The following DDX10 variants were observed in gnomAD, a reference collection of about 807,000 sequenced individuals.
The protein encoded by DDX10 is probable ATP-dependent RNA helicase DDX10.
Under a neutral mutation model 104.3 loss-of-function variants are expected in DDX10, and 74 were observed. That is an observed-to-expected ratio of 0.71 (90% confidence interval 0.59 to 0.86). The LOEUF (loss-of-function observed/expected upper bound fraction) is 0.86, where lower values mean the gene tolerates loss of function less well. Among genes scored for constraint, DDX10 ranks in the 40% least tolerant of loss-of-function variants. The pLI, the probability that DDX10 is intolerant of heterozygous loss-of-function variation, is 0.00. For synonymous variants in DDX10, 351 were observed against 353.4 expected, an observed-to-expected ratio of 0.99 and a Z score of 0.08; for missense variants, 952 against 1,040.0, an observed-to-expected ratio of 0.92 and a Z score of 1.16.
At position 108,723,258 on chromosome 11, in the gene DDX10, C is replaced by T. The variant is rs377544868; in HGVS notation, c.1761C>T (p.Asp587=). The T allele has an allele frequency of 2.4e-4, 383 of 1,612,976 alleles. 2 individuals are homozygous for T. The South Asian group carries it at 3.8e-3, about 16-fold the overall frequency. ...TGNEEQEEEE[D]DEEEMEEKLA... is the part of the protein sequence containing the mutation. Reference sequence around the variant, plus strand: ...ATGAAGAACAGGAAGAAGAAGAAGACGATGAAGAAGAAATGGAAGAGAAAC... The same window carrying T: ...ATGAAGAACAGGAAGAAGAAGAAGATGATGAAGAAGAAATGGAAGAGAAAC... The change falls in exon 13 of 18, where the codon GAC becomes GAT. Residue 587 remains aspartate (D), a synonymous_variant. Transcript: ENST00000322536.
Position 108,668,155 on chromosome 11 carries a change from G to A in DDX10, c.186+2816G>A, listed in dbSNP as rs537336138. On this transcript the variant is annotated intron_variant, in intron 1 of 17. Coordinates refer to ENST00000322536, the MANE Select transcript of DDX10 (RefSeq NM_004398.4). The stretch of plus-strand genomic sequence containing the variant: ...CATTTATCAAACTTTTATTCATGCT[G>A]GCTTTCCGTATACTCACCACAAATA... Among the ~76,000 whole-genome samples the A allele has an allele frequency of 1.7e-4, 26 of 152,264 alleles. No homozygotes were observed. In the South Asian group the frequency reaches 4.8e-3, roughly 28 times the overall value.
intron 13 of DDX10, among the ~76,000 whole-genome samples, chr11:108,746,863 A>C (rs561733140): frequency 6.6e-6 from 1 of 152,302 alleles, no homozygotes; most frequent in South Asian, 2.1e-4. Context: ...TCAGCCTTAA[A>C]GATAACAATA....
intron 7 of DDX10, 43 bp from the exon 8 acceptor site, chr11:108,691,833 G>A (rs765260083): frequency 2.6e-5 from 41 of 1,571,104 alleles, no homozygotes; most frequent in Middle Eastern, 1.7e-4. Context: ...CTTTATTGCT[G>A]CCATCTGCCA....
chr11:108,859,657 T>C (rs1385500366), intron 16 of DDX10, among the ~76,000 whole-genome samples: 1 of 152,186 alleles, frequency 6.6e-6, no homozygotes, highest in Non-Finnish European at 1.5e-5. Context: ...AATTTGACAT[T>C]TATATGCTTG....
intron 13 of DDX10, among the ~76,000 whole-genome samples, chr11:108,800,001 CT>C (rs1344068433): frequency 2.0e-5 from 3 of 151,768 alleles, no homozygotes; most frequent in Admixed American, 6.6e-5. Flanking sequence ...TCACTGCAGC[CT>C]CCAAAGCTCA....
intron 13 of DDX10, among the ~76,000 whole-genome samples, chr11:108,811,002 G>T (rs1862172488): frequency 6.6e-6 from 1 of 152,036 alleles, no homozygotes. Context: ...TCTATCTCCA[G>T]TGGAATATAA....
At position 108,917,907 on chromosome 11, in the gene DDX10, G is replaced by GTGATGATGA. The variant is rs373041499; in HGVS notation, c.2357_2365dup (p.Asp786_Asp788dup). On this transcript the variant is annotated inframe_insertion, in exon 17 of 18. Transcript: ENST00000322536. ...GAAGAGGAAGCCTTTCTGGATTGGA[G>GTGATGATGA]TGATGATGATGATGATGATGATGAT... The GTGATGATGA allele has an allele frequency of 1.0e-4, 166 of 1,610,946 alleles. No individual in the cohort carries two copies. In the South Asian group the frequency reaches 1.2e-3, roughly 11 times the overall value.
chr11:108,722,981 T>C lies in DDX10; in HGVS notation c.1500-16T>C. ...CAGTGTTGAGATGACTGTTTTCACG[T>C]TTTTCCATATTTAAGGTCTCTTGGT... On this transcript the variant is annotated splice_polypyrimidine_tract_variant and intron_variant, in intron 12 of 17. Coordinates refer to ENST00000322536, the MANE Select transcript of DDX10 (RefSeq NM_004398.4). The C allele has an allele frequency of 6.3e-7, 1 of 1,580,102 alleles. No homozygotes were observed. Among genetic ancestry groups the C allele is most frequent in the Non-Finnish European group, 8.6e-7 (1 of 1,167,624 alleles).
chr11:108,835,989 T>C (rs1862550463), intron 13 of DDX10, among the ~76,000 whole-genome samples: 1 of 152,184 alleles, frequency 6.6e-6, no homozygotes, highest in South Asian at 2.1e-4. Context: ...GGTGTTTTCC[T>C]TTTGATCCAG....
In DDX10 at chr11:108,758,029, C is replaced by T. The variant is rs1309434121; in HGVS notation, c.1965+34567C>T. Among the ~76,000 whole-genome samples the T allele has an allele frequency of 5.3e-5, 8 of 151,924 alleles. No individual in the cohort carries two copies. The East Asian group carries it at 5.8e-4, about 11-fold the overall frequency. On this transcript the variant is annotated intron_variant, in intron 13 of 17. Transcript: ENST00000322536. ...TACTGCTACAGCAACCTCAGTTGGGCGCTTCTTCTTTTACGCCATAGTGGC... is the reference window on the plus strand; with the variant it reads ...TACTGCTACAGCAACCTCAGTTGGGTGCTTCTTCTTTTACGCCATAGTGGC...
At chr11:108,674,802 C>T (rs902374174) in intron 2 of DDX10, among the ~76,000 whole-genome samples, 1 of 152,216 alleles carries the variant, frequency 6.6e-6, no homozygotes, top group African/African-American at 2.4e-5. Flanking sequence ...GCGTGAGCCA[C>T]CACGCCTGGC....
chr11:108,918,413 A>G (rs1278331174), intron 17 of DDX10: 1 of 202,440 alleles, frequency 4.9e-6, no homozygotes, highest in African/African-American at 2.3e-5. Context: ...GAACTCTATT[A>G]AAGATACTGC....
intron 13 of DDX10, among the ~76,000 whole-genome samples, chr11:108,801,441 A>C (rs1591821893): frequency 6.6e-6 from 1 of 152,226 alleles, no homozygotes; most frequent in African/African-American, 2.4e-5. Context: ...AAACTATTCC[A>C]AGGTTGTAAG....
chr11:108,716,921 C>CTT (rs559505105), intron 11 of DDX10, among the ~76,000 whole-genome samples: 1 of 146,436 alleles, frequency 6.8e-6, no homozygotes, highest in Non-Finnish European at 1.5e-5. Context: ...TTTAGTTAAA[C>CTT]TTTTTTTTTT....
chr11:108,880,635 G>A (rs978422634), intron 16 of DDX10, among the ~76,000 whole-genome samples: 6 of 152,276 alleles, frequency 3.9e-5, no homozygotes, highest in African/African-American at 1.2e-4. Context: ...ATGTGTACAA[G>A]GAAAACGTAG....
intron 16 of DDX10, 148 bp downstream of exon 16, chr11:108,852,357 A>C: frequency 1.7e-6 from 1 of 591,196 alleles, no homozygotes; most frequent in Non-Finnish European, 2.9e-6. Flanking sequence ...TATTATTTGT[A>C]TATCATGATA....
chr11:108,878,009 C>T (rs757186825), intron 16 of DDX10, among the ~76,000 whole-genome samples: 25 of 152,244 alleles, frequency 1.6e-4, no homozygotes, highest in Middle Eastern at 3.4e-3. Context: ...TTCCCTCCCT[C>T]CTTCCTTTTC....
chr11:108,720,537 G>C (rs1021744674), intron 12 of DDX10, among the ~76,000 whole-genome samples: 8 of 152,090 alleles, frequency 5.3e-5, no homozygotes, highest in African/African-American at 1.9e-4. Flanking sequence ...TAGTAACTGA[G>C]GTTACTATTG....
chr11:108,933,628 AT>A (rs1190981592), intron 17 of DDX10, among the ~76,000 whole-genome samples: 1 of 152,204 alleles, frequency 6.6e-6, no homozygotes, highest in Non-Finnish European at 1.5e-5. Context: ...CTTTTTTACA[AT>A]ATAATTTCCC....
Sources: gnomAD v4.1 joint callset for allele counts (sites outside exome capture counted in the v4.1 genomes callset) on GRCh38, gnomAD v4.1.1 for gene constraint, MANE v1.5 for transcripts, NCBI Gene and HGNC (gene_info 2026-07-23, HGNC 2026-07-21) for gene names.